FREM2: variants seen among roughly 807,000 people sequenced by gnomAD.
FREM2 encodes the protein FRAS1-related extracellular matrix protein 2.
A neutral mutation model predicts 219.9 loss-of-function variants in FREM2; 119 were observed. That is an observed-to-expected ratio of 0.54 (90% CI 0.47 to 0.63). The LOEUF is 0.63. FREM2 is among the 30% of genes least tolerant of loss of function. The probability of loss-of-function intolerance (pLI) is 0.00; values close to 1 mark genes in which losing one functional copy is unlikely to be tolerated. For missense variants in FREM2, 4,030 were observed against 3,993.6 expected (o/e 1.01, Z -0.25); for synonymous variants, 1,562 against 1,522.8 (o/e 1.03, Z -0.60).
At chr13:38,811,540 T>A (rs1273479297) in intron 6 of FREM2, among the ~76,000 whole-genome samples, 13 of 152,162 alleles carry the variant, frequency 8.5e-5, no homozygotes, top group Admixed American at 8.5e-4. Context: ...AGTTTCCTTC[T>A]TAATTTCTGC....
At chr13:38,726,718 A>G (rs928587770) in intron 2 of FREM2, among the ~76,000 whole-genome samples, 2 of 152,236 alleles carry the variant, frequency 1.3e-5, no homozygotes, top group African/African-American at 4.8e-5. Flanking sequence ...TAGGGAGCAC[A>G]GACAAAGAAG....
intron 6 of FREM2, among the ~76,000 whole-genome samples, chr13:38,824,906 T>A (rs1217851812): frequency 6.6e-6 from 1 of 151,730 alleles, no homozygotes; most frequent in African/African-American, 2.4e-5. Context: ...TCATTTAAAC[T>A]ATAAACTAAA....
chr13:38,783,262 G>A, intron 5 of FREM2, 67 bp downstream of exon 5: 1 of 1,541,178 alleles, frequency 6.5e-7, no homozygotes, highest in Non-Finnish European at 9.0e-7. Flanking sequence ...TTAACATATT[G>A]GAGCCATAAC....
rs766546078 is a variant in FREM2, at chr13:38,692,180, T to C, written c.4836T>C (p.Ser1612=). 15 of 1,614,120 alleles carry C rather than the reference T, an allele frequency of 9.3e-6. No homozygotes were observed. The African/African-American group carries it at 2.0e-4, about 22-fold the overall frequency. Residue 1612 remains serine, a synonymous_variant, in exon 1 of 24, where the codon AGT becomes AGC. Transcript: ENST00000280481. ...ACAAACATGATGGCACTGAGTCAAG[T>C]GAAGATAGCTTCTCCTTCACAGTGA... ...ISYKHDGTES[S]EDSFSFTVTD... is the part of the protein sequence containing the mutation.
chr13:38,787,621 T>C (rs1368970678), intron 6 of FREM2, among the ~76,000 whole-genome samples: 1 of 151,946 alleles, frequency 6.6e-6, no homozygotes, highest in African/African-American at 2.4e-5. Flanking sequence ...AATAAGTAAG[T>C]GTGGTTTAAT....
Position 38,850,951 on chromosome 13 carries a change from A to T in FREM2, c.6585A>T (p.Thr2195=), listed in dbSNP as rs1300336043. 2 of 1,611,992 alleles carry T rather than the reference A, an allele frequency of 1.2e-6. No homozygotes were observed. Among genetic ancestry groups the T allele is most frequent in the African/African-American group, 2.7e-5 (2 of 74,896 alleles). The change falls in exon 10 of 24, where the codon ACA becomes ACT. Residue 2195 remains threonine, a synonymous_variant. Transcript: ENST00000280481. The part of the protein sequence containing the change: ...TSIITFLPGE[T]EKPCILELMD... ...CTGACATTATTGTTCCAGGTGAGAC[A>T]GAAAAGCCCTGCATTCTTGAGCTGA...
intron 6 of FREM2, among the ~76,000 whole-genome samples, chr13:38,808,799 T>A (rs1391695446): frequency 1.3e-5 from 2 of 151,924 alleles, no homozygotes; most frequent in African/African-American, 2.4e-5. Flanking sequence ...CAAAACGTGC[T>A]GCAGAGAAAC....
chr13:38,734,185 A>C (rs907388788), intron 2 of FREM2, among the ~76,000 whole-genome samples: 1 of 152,154 alleles, frequency 6.6e-6, no homozygotes, highest in African/African-American at 2.4e-5. Context: ...AAGAAAGAAA[A>C]GAAACAGGAA....
At chr13:38,782,697 A>G (rs891495211) in intron 4 of FREM2, among the ~76,000 whole-genome samples, 3 of 152,242 alleles carry the variant, frequency 2.0e-5, no homozygotes, top group Admixed American at 6.5e-5. Context: ...GAGATGGGAC[A>G]AGATGACTTT....
intron 2 of FREM2, among the ~76,000 whole-genome samples, chr13:38,722,729 G>A (rs1027475146): frequency 2.0e-5 from 3 of 147,634 alleles, no homozygotes; most frequent in African/African-American, 7.6e-5. Context: ...ATCAAGCAGA[G>A]GGTGTAGCTG....
intron 2 of FREM2, among the ~76,000 whole-genome samples, chr13:38,734,712 T>G (rs1438227105): frequency 6.6e-6 from 1 of 151,370 alleles, no homozygotes; most frequent in Non-Finnish European, 1.5e-5. Flanking sequence ...AATGAAAATA[T>G]TAGTGAGAAG....
Position 38,874,523 on chromosome 13 carries a change from C to G in FREM2, c.8218C>G (p.Arg2740Gly), listed in dbSNP as rs775185183. 1 of 1,614,112 alleles carries G rather than the reference C, an allele frequency of 6.2e-7. No individual in the cohort carries two copies. Among genetic ancestry groups the G allele is most frequent in the Admixed American group, 1.7e-5 (1 of 60,022 alleles). ...PTSMRIGDEG[R>G]LAVHFKTEAQ... The stretch of plus-strand genomic sequence containing the variant: ...CAGCATGCGCATCGGTGATGAGGGG[C>G]GCTTGGCCGTGCACTTCAAGACAGA... The change falls in exon 18 of 24, where the codon CGC becomes GGC. Residue 2740 changes from arginine (R) to glycine (G), a missense_variant. Arg to Gly is a moderately radical substitution (Grantham distance 125). Around this residue, in one of 2 missense-constraint regions of FREM2, gnomAD observed 928 missense variants for 1,042.9 expected, o/e 0.89. Transcript: ENST00000280481.
chr13:38,691,773 G>C lies in FREM2; in HGVS notation c.4429G>C (p.Val1477Leu). The C allele has an allele frequency of 6.2e-7, 1 of 1,614,140 alleles. No homozygotes were observed. Among genetic ancestry groups the C allele is most frequent in the Non-Finnish European group, 8.5e-7 (1 of 1,180,038 alleles). Residue 1477 changes from valine to leucine, a missense_variant, in exon 1 of 24, where the codon GTG (valine) becomes CTG (leucine). Transcript: ENST00000280481. ...GHLECTDQPGVSITSFTQLQL... is the reference protein window; with the variant it reads ...GHLECTDQPGLSITSFTQLQL... ...CCTGGAATGCACGGATCAGCCTGGT[G>C]TGTCCATCACGTCTTTCACTCAGCT...
chr13:38,803,025 C>T (rs1328906564), intron 6 of FREM2, among the ~76,000 whole-genome samples: 1 of 152,090 alleles, frequency 6.6e-6, no homozygotes, highest in African/African-American at 2.4e-5. Flanking sequence ...CCAATATGGT[C>T]CCTTAGATTG....
chr13:38,734,809 C>T (rs1457195312), intron 2 of FREM2, among the ~76,000 whole-genome samples: 3 of 138,714 alleles, frequency 2.2e-5, no homozygotes, highest in Admixed American at 1.5e-4. Context: ...TGCAGTGGCA[C>T]GATCTCAGCT....
rs974410196 is a variant in FREM2 at position 38,692,460 on chromosome 13, C to T, written c.5116C>T (p.His1706Tyr). 6.2e-7 allele frequency: 1 copy of T among 1,613,750 alleles called. No individual in the cohort carries two copies. The highest frequency in any genetic ancestry group is 1.6e-4 in the Middle Eastern group (1 of 6,062). The change falls in exon 1 of 24, where the codon CAT becomes TAT. Residue 1706 changes from histidine (H) to tyrosine (Y), a missense_variant. Physicochemically the swap from His to Tyr is moderately conservative, Grantham distance 83. Transcript: ENST00000280481. ...LRFIVTEAPQ[H>Y]GYLLNLDKGN... ...ATTTATCGTGACAGAGGCCCCTCAA[C>T]ATGGATATCTTCTCAACCTGGACAA...
chr13:38,781,621 C>A (rs1055454051), intron 4 of FREM2, among the ~76,000 whole-genome samples: 3 of 152,110 alleles, frequency 2.0e-5, no homozygotes, highest in African/African-American at 7.2e-5. Context: ...GTTACAAAAT[C>A]TTATATTCAC....
intron 2 of FREM2, among the ~76,000 whole-genome samples, chr13:38,751,993 C>T (rs534079131): frequency 1.3e-5 from 2 of 151,992 alleles, no homozygotes; most frequent in Non-Finnish European, 2.9e-5. Flanking sequence ...GGCTCTGGCA[C>T]AATTCTAAAG....
chr13:38,874,696 AAAT>A, intron 18 of FREM2, 110 bp downstream of exon 18: 1 of 833,062 alleles, frequency 1.2e-6, no homozygotes, highest in South Asian at 1.4e-5. Flanking sequence ...CCTTAATCTC[AAAT>A]GAATTGTACA....
Sources: allele counts gnomAD v4.1 joint callset (sites outside exome capture counted in the v4.1 genomes callset), GRCh38; gene constraint gnomAD v4.1.1; regional missense constraint gnomAD v4.1.1; transcripts MANE v1.5; gene names NCBI Gene and HGNC (gene_info 2026-07-23, HGNC 2026-07-21).